POM121C: variants seen among roughly 807,000 people sequenced by gnomAD.
POM121C encodes POM121 transmembrane nucleoporin C.
Under a neutral mutation model 66.4 loss-of-function variants are expected in POM121C, and 20 were observed. That is an observed-to-expected ratio of 0.30 (90% CI 0.21 to 0.44). POM121C has a LOEUF of 0.44. POM121C is among the 20% of genes least tolerant of loss of function. The pLI is 1.00. For synonymous variants in POM121C, 286 were observed against 528.0 expected, an observed-to-expected ratio of 0.54 and a Z score of 6.28; for missense variants, 580 against 1,225.7, an observed-to-expected ratio of 0.47 and a Z score of 7.87.
At position 75,441,047 on chromosome 7, in the gene POM121C, T is replaced by A; in HGVS notation, c.134A>T (p.Glu45Val). The A allele has an allele frequency of 6.2e-7, 1 of 1,613,986 alleles. No individual in the cohort carries two copies. Among genetic ancestry groups the A allele is most frequent in the Non-Finnish European group, 8.5e-7 (1 of 1,179,864 alleles). The change falls in exon 5 of 15, where the codon GAG (glutamate) becomes GTG (valine). Residue 45 changes from glutamate (E) to valine (V), a missense_variant. By Grantham distance (121) the Glu-to-Val change is moderately radical. Coordinates refer to ENST00000615331, the MANE Select transcript of POM121C (RefSeq NM_001099415.3). Reference protein sequence around the residue: ...SSNAPDPCAKETVLSALKEKK... With the variant: ...SSNAPDPCAKVTVLSALKEKK... ...CTCTTTGAGGGCACTCAGTACAGTCTCCTTTGCACATGGGTCTGGGGCATT... is the reference window on the plus strand; with the variant it reads ...CTCTTTGAGGGCACTCAGTACAGTCACCTTTGCACATGGGTCTGGGGCATT...
At chr7:75,470,557 C>G (rs1791831900) in intron 3 of POM121C, among the ~76,000 whole-genome samples, 1 of 152,126 alleles carries the variant, frequency 6.6e-6, no homozygotes, top group Non-Finnish European at 1.5e-5. Flanking sequence ...ACTCTGAGCT[C>G]AAGCAATCCT....
At chr7:75,470,126 G>A (rs1289168614) in intron 3 of POM121C, among the ~76,000 whole-genome samples, 1 of 149,810 alleles carries the variant, frequency 6.7e-6, no homozygotes, top group East Asian at 2.0e-4. Context: ...ATGTTACCCA[G>A]GCTGGTCTCG....
intron 3 of POM121C, among the ~76,000 whole-genome samples, chr7:75,455,723 T>G (rs1791186597): frequency 6.6e-6 from 1 of 152,246 alleles, no homozygotes; most frequent in South Asian, 2.1e-4. Context: ...TTTCATTACA[T>G]TCCTATCAGT....
intron 3 of POM121C, among the ~76,000 whole-genome samples, chr7:75,467,610 T>C (rs1191851689): frequency 1.9e-4 from 29 of 151,848 alleles, no homozygotes; most frequent in African/African-American, 6.3e-4. Flanking sequence ...TGAATGCTCT[T>C]GAGAGAAATC....
At chr7:75,435,742 C>T (rs587593640) in intron 7 of POM121C, among the ~76,000 whole-genome samples, 1 of 152,312 alleles carries the variant, frequency 6.6e-6, no homozygotes, top group East Asian at 1.9e-4. Context: ...AATAATGACA[C>T]TGATATTGCT....
At chr7:75,465,668 G>A (rs1406342408) in intron 3 of POM121C, among the ~76,000 whole-genome samples, 9 of 150,334 alleles carry the variant, frequency 6.0e-5, no homozygotes, top group African/African-American at 1.7e-4. Context: ...CAGGAGAGTC[G>A]CTTGTACCTG....
intron 3 of POM121C, among the ~76,000 whole-genome samples, chr7:75,450,116 A>C (rs1246814823): frequency 1.3e-5 from 2 of 152,062 alleles, no homozygotes; most frequent in Non-Finnish European, 2.9e-5. Flanking sequence ...ATGAGAGAAC[A>C]CTCTGAAGAA....
In POM121C at chr7:75,474,434, C is replaced by G. The variant is rs1164049025; in HGVS notation, c.-152+270G>C. Among the ~76,000 whole-genome samples the G allele has an allele frequency of 2.1e-4, 32 of 152,122 alleles. 1 individual carries two copies. Among genetic ancestry groups the G allele is most frequent in the Admixed American group, 2.1e-3 (32 of 15,256 alleles). ...AAAACAAACAGCCCACAACAATTCT[C>G]TAATGGCGAGGGAGTAAATAAGTGA... On this transcript the variant is annotated intron_variant, in intron 3 of 14. Transcript: ENST00000615331.
rs184670421 is a variant in POM121C at position 75,469,305 on chromosome 7, C to T, written c.-152+5399G>A. Among the ~76,000 whole-genome samples, 7 of 152,166 alleles carry T rather than the reference C, an allele frequency of 4.6e-5. No individual in the cohort carries two copies. The East Asian group carries it at 1.2e-3, about 25-fold the overall frequency. ...TAGAGACAGGGTCTTGCTATGTTTC[C>T]CAGGCTAGCCTTGATCTCCTGGGCT... On this transcript the variant is annotated intron_variant, in intron 3 of 14. Transcript: ENST00000615331.
intron 3 of POM121C, among the ~76,000 whole-genome samples, chr7:75,466,736 C>G (rs1422353551): frequency 6.6e-6 from 1 of 151,472 alleles, no homozygotes; most frequent in Admixed American, 6.6e-5. Context: ...AAATCCCTAG[C>G]CAGACTAATC....
In POM121C at chr7:75,430,667, G is replaced by A. The variant is rs1210591074; in HGVS notation, c.481-4214C>T. ...CTACACAAACTATGCTAACTACAAG[G>A]AAGTAGAATGGCAAGAGCAGGACAC... On this transcript the variant is annotated intron_variant, in intron 7 of 14. Coordinates refer to ENST00000615331, the MANE Select transcript of POM121C (RefSeq NM_001099415.3). Among the ~76,000 whole-genome samples, 3 of 152,300 alleles carry A rather than the reference G, an allele frequency of 2.0e-5. No homozygotes were observed. The East Asian group carries it at 5.8e-4, about 29-fold the overall frequency.
intron 3 of POM121C, among the ~76,000 whole-genome samples, chr7:75,449,674 G>C (rs1554475349): frequency 2.6e-5 from 4 of 152,038 alleles, no homozygotes; most frequent in Non-Finnish European, 5.9e-5. Context: ...GCAACAGTAG[G>C]GGAAAGAGCT....
chr7:75,463,996 TTTTTTC>T (rs1791536345), intron 3 of POM121C, among the ~76,000 whole-genome samples: 1 of 146,474 alleles, frequency 6.8e-6, no homozygotes, highest in Non-Finnish European at 1.5e-5. Context: ...CCTGGACTCT[TTTTTTC>T]TTTTTAATTT....
intron 3 of POM121C, among the ~76,000 whole-genome samples, chr7:75,469,101 CT>C (rs782685382): frequency 2.1e-3 from 300 of 143,252 alleles, no homozygotes; most frequent in Middle Eastern, 3.6e-3. Flanking sequence ...GGTCTACTTT[CT>C]TTTTTTTTTT....
chr7:75,450,389 G>C (rs1426353107), intron 3 of POM121C, among the ~76,000 whole-genome samples: 2 of 152,228 alleles, frequency 1.3e-5, no homozygotes, highest in African/African-American at 2.4e-5. Flanking sequence ...ATTCCTCTAG[G>C]AAAGCAGGGC....
intron 3 of POM121C, among the ~76,000 whole-genome samples, chr7:75,450,505 C>A (rs1430671850): frequency 3.3e-5 from 5 of 152,252 alleles, no homozygotes; most frequent in Admixed American, 1.3e-4. Context: ...TCACGAGGGT[C>A]AGTGCAGGCC....
chr7:75,450,746 TA>T (rs1790995409), intron 3 of POM121C, among the ~76,000 whole-genome samples: 1 of 152,198 alleles, frequency 6.6e-6, no homozygotes, highest in Admixed American at 6.5e-5. Context: ...CTTCAATGAT[TA>T]AAAACAGACA....
At position 75,439,236 on chromosome 7, in the gene POM121C, C is replaced by A. The variant is rs182220897; in HGVS notation, c.228-12G>T. 15 of 1,613,366 alleles carry A rather than the reference C, an allele frequency of 9.3e-6. No homozygotes were observed. Among genetic ancestry groups the A allele is most frequent in the Middle Eastern group, 1.6e-4 (1 of 6,076 alleles). On this transcript the variant is annotated splice_polypyrimidine_tract_variant and intron_variant, in intron 5 of 14. Transcript: ENST00000615331. ...TGCTATCATGGCGCCTGCGACAAAT[C>A]AAAAAAGTCTCAAATGAAATGACAT...
At chr7:75,460,712 T>G (rs1791414751) in intron 3 of POM121C, among the ~76,000 whole-genome samples, 3 of 152,104 alleles carry the variant, frequency 2.0e-5, no homozygotes, top group Non-Finnish European at 4.4e-5. Context: ...GAGTGGCATG[T>G]GCCAACCAGC....
Sources: gnomAD v4.1 joint callset for allele counts (sites outside exome capture counted in the v4.1 genomes callset) on GRCh38, gnomAD v4.1.1 for gene constraint, MANE v1.5 for transcripts, NCBI Gene and HGNC (gene_info 2026-07-23, HGNC 2026-07-21) for gene names.